TEP1: variants seen among roughly 807,000 people sequenced by gnomAD.
TEP1 encodes telomerase associated protein 1.
TEP1 carries 241 observed loss-of-function variants against 306.3 expected under a neutral mutation model. That is an observed-to-expected ratio of 0.79 (90% CI 0.71 to 0.88). The LOEUF (loss-of-function observed/expected upper bound fraction) is 0.88, where lower values mean the gene tolerates loss of function less well. TEP1 is among the 40% of genes least tolerant of loss of function. TEP1 has a pLI of 0.00. For missense variants in TEP1, 3,051 were observed against 3,276.1 expected, an observed-to-expected ratio of 0.93 and a Z score of 1.68; for synonymous variants, 1,289 against 1,305.5, an observed-to-expected ratio of 0.99 and a Z score of 0.27.
intron 49 of TEP1, 33 bp downstream of exon 49, chr14:20,372,700 T>C (rs766092422): frequency 6.2e-7 from 1 of 1,613,824 alleles, no homozygotes; most frequent in Non-Finnish European, 8.5e-7. Flanking sequence ...GAGACTGCTG[T>C]TTCTATCCCA....
chr14:20,384,339 A>G, intron 23 of TEP1, 52 bp downstream of exon 23: 1 of 1,612,366 alleles, frequency 6.2e-7, no homozygotes. Context: ...AGGACAACCC[A>G]GACCACCCCA....
In TEP1 at chr14:20,369,339, C is replaced by G; in HGVS notation, c.7656+5G>C. On this transcript the variant is annotated splice_donor_5th_base_variant and intron_variant, in intron 53 of 54. Coordinates refer to ENST00000262715, the MANE Select transcript of TEP1 (RefSeq NM_007110.5). ...TAGTATTTCTGACCCTTCCTTCAAACTCACCTTTCTACGCTGCCGTGTCTT... is the reference window on the plus strand; with the variant it reads ...TAGTATTTCTGACCCTTCCTTCAAAGTCACCTTTCTACGCTGCCGTGTCTT... 1 of 1,614,078 alleles carries G rather than the reference C, an allele frequency of 6.2e-7. No homozygotes were observed. The highest frequency in any genetic ancestry group is 8.5e-7 in the Non-Finnish European group (1 of 1,179,980).
intron 22 of TEP1, 24 bp downstream of exon 22, chr14:20,384,576 T>G (rs773501350): frequency 1.2e-6 from 2 of 1,613,658 alleles, no homozygotes; most frequent in Admixed American, 3.3e-5. Context: ...TCTGTACAGG[T>G]GCTCCCTACC....
At position 20,383,818 on chromosome 14, in the gene TEP1, A is replaced by T; in HGVS notation, c.3635T>A (p.Leu1212His). 6.2e-7 allele frequency: 1 copy of T among 1,609,172 alleles called. No individual in the cohort carries two copies. Among genetic ancestry groups the T allele is most frequent in the African/African-American group, 1.3e-5 (1 of 75,028 alleles). ...GGTACAGAGGCGTCTGAGCAGAGTGAGGGCAAGACCCTGGTCAGGACGAGC... is the reference window on the plus strand; with the variant it reads ...GGTACAGAGGCGTCTGAGCAGAGTGTGGGCAAGACCCTGGTCAGGACGAGC... ...SGARPDQGLA[L>H]TLLRRLCTYL... is the part of the protein sequence containing the mutation. Residue 1212 changes from leucine (L) to histidine (H), a missense_variant, in exon 25 of 55, where the codon CTC (leucine) becomes CAC (histidine). Physicochemically the swap from Leu to His is moderately conservative, Grantham distance 99. This residue lies in a region of TEP1 where 1,507 missense variants were observed against 1,550.5 expected (regional missense o/e 0.97). Coordinates refer to ENST00000262715, the MANE Select transcript of TEP1 (RefSeq NM_007110.5).
chr14:20,408,094 A>T lies in TEP1; in HGVS notation c.346T>A (p.Ser116Thr). 1 of 1,613,844 alleles carries T rather than the reference A, an allele frequency of 6.2e-7. No homozygotes were observed. Among genetic ancestry groups the T allele is most frequent in the South Asian group, 1.1e-5 (1 of 91,064 alleles). The change falls in exon 2 of 55, where the codon TCT becomes ACT. Residue 116 changes from serine (S) to threonine (T), a missense_variant. Coordinates refer to ENST00000262715, the MANE Select transcript of TEP1 (RefSeq NM_007110.5). ...GCAGACACAGTGCTCTTTAGACTAG[A>T]GAGGGTGGCCAGGCACCGGTTCTCC... ...SLENRCLATL[S>T]SLKSTVSASP...
Position 20,406,352 on chromosome 14 carries a change from G to C in TEP1, c.616C>G (p.Pro206Ala). The C allele has an allele frequency of 1.9e-6, 3 of 1,614,088 alleles. No individual in the cohort carries two copies. In the South Asian group the frequency reaches 3.3e-5, roughly 18 times the overall value. ...EEKKGAETQM[P>A]SYSLSLGEEE... is the part of the protein sequence containing the mutation. ...TCTCCCAAGCTCAGACTATAAGAAG[G>C]CATTTGGGTCTCTGCCCCTTTCTTC... Residue 206 changes from proline (P) to alanine (A), a missense_variant, in exon 3 of 55, where the codon CCT becomes GCT. Pro to Ala is a conservative substitution (Grantham distance 27). This residue lies in a region of TEP1 where 1,507 missense variants were observed against 1,550.5 expected (regional missense o/e 0.97). Transcript: ENST00000262715.
At chr14:20,409,949 G>A (rs1232649535) in intron 1 of TEP1, among the ~76,000 whole-genome samples, 1 of 142,522 alleles carries the variant, frequency 7.0e-6, no homozygotes, top group Non-Finnish European at 1.5e-5. Flanking sequence ...GTGAACCAGG[G>A]AGGCGGAGCT....
In TEP1 at chr14:20,371,520, T is replaced by G. The variant is rs113796281; in HGVS notation, c.7189A>C (p.Met2397Leu). ...TCAGATGGAGCATCCCCTGGCTTCA[T>G]GCAAAGTAACTTCAAATCTGCTTTG... is the stretch of plus-strand genomic sequence containing the variant. ...LAKADLKLLCMKPGDAPSEIW... is the reference protein window; with the variant it reads ...LAKADLKLLCLKPGDAPSEIW... Residue 2397 changes from methionine to leucine, a missense_variant, in exon 50 of 55, where the codon ATG becomes CTG. Physicochemically the swap from Met to Leu is conservative, Grantham distance 15. Around this residue, in one of 3 missense-constraint regions of TEP1, gnomAD observed 1,540 missense variants for 1,705.9 expected, o/e 0.90. Transcript: ENST00000262715. The G allele has an allele frequency of 1.9e-6, 3 of 1,609,178 alleles. No homozygotes were observed. The highest frequency in any genetic ancestry group is 2.7e-5 in the African/African-American group (2 of 74,588).
intron 43 of TEP1, 49 bp from the exon 44 acceptor site, chr14:20,374,585 AT>A: frequency 7.1e-7 from 1 of 1,406,152 alleles, no homozygotes. Flanking sequence ...TCCCTCCAGC[AT>A]TTTGGTATAT....
chr14:20,373,526 C>T lies in TEP1; in HGVS notation c.6662G>A (p.Arg2221Gln), dbSNP rs146330073. Residue 2221 changes from arginine (R) to glutamine (Q), a missense_variant, in exon 46 of 55, where the codon CGG becomes CAG. Transcript: ENST00000262715. Reference protein sequence around the residue: ...VVTVGLDGATRLWHPLLVCQT... With the variant: ...VVTVGLDGATQLWHPLLVCQT... ...ACTCACCAAGAGTGGATGCCATAAC[C>T]GTGTGGCCCCATCTAGCCCGACGGT... 6.4e-5 allele frequency: 104 copies of T among 1,614,116 alleles called. No homozygotes were observed. The highest frequency in any genetic ancestry group is 8.1e-5 in the Non-Finnish European group (96 of 1,180,050).
chr14:20,381,985 G>C lies in TEP1; in HGVS notation c.4352C>G (p.Ala1451Gly), dbSNP rs1346002187. The C allele has an allele frequency of 2.5e-6, 4 of 1,614,038 alleles. No homozygotes were observed. Among genetic ancestry groups the C allele is most frequent in the Non-Finnish European group, 3.4e-6 (4 of 1,180,028 alleles). ...LPKGTKSWEE[A>G]VAAGNSGDPY... ...GTCTCCACTGTTACCAGCAGCCACTGCTTCTTCCCAGCTCTTAGTCCCCTT... is the reference window on the plus strand; with the variant it reads ...GTCTCCACTGTTACCAGCAGCCACTCCTTCTTCCCAGCTCTTAGTCCCCTT... Residue 1451 changes from alanine (A) to glycine (G), a missense_variant, in exon 30 of 55, where the codon GCA (alanine) becomes GGA (glycine). By Grantham distance (60) the Ala-to-Gly change is moderately conservative. Transcript: ENST00000262715. The surrounding 1 kb of genome is among the most constrained non-coding windows in gnomAD (Gnocchi z 4.0).
At chr14:20,410,967 G>A (rs1879645078) in intron 1 of TEP1, among the ~76,000 whole-genome samples, 1 of 151,802 alleles carries the variant, frequency 6.6e-6, no homozygotes, top group South Asian at 2.1e-4. Flanking sequence ...GATTACAAGT[G>A]CCTGCCACCA....
chr14:20,371,397 T>C, intron 50 of TEP1, 83 bp from the exon 51 acceptor site: 1 of 1,599,692 alleles, frequency 6.3e-7, no homozygotes, highest in Middle Eastern at 1.7e-4. Flanking sequence ...GACTCCAGAG[T>C]TTTCTTCTAA....
chr14:20,376,357 AG>A, intron 41 of TEP1, 93 bp from the exon 42 acceptor site: 1 of 1,343,146 alleles, frequency 7.4e-7, no homozygotes, highest in Non-Finnish European at 1.0e-6. Context: ...ATGGGGGCTG[AG>A]GGTGACACCT....
chr14:20,412,332 A>G (rs1014853610), intron 1 of TEP1, among the ~76,000 whole-genome samples: 4 of 152,192 alleles, frequency 2.6e-5, no homozygotes, highest in African/African-American at 9.7e-5. Context: ...TATTTGAGCA[A>G]CATAGTGAGA....
At chr14:20,393,770 G>A (rs1216206232) in intron 12 of TEP1, among the ~76,000 whole-genome samples, 1 of 150,506 alleles carries the variant, frequency 6.6e-6, no homozygotes, top group East Asian at 2.0e-4. Flanking sequence ...TGACGAAGTG[G>A]GACTTTGTCT....
At chr14:20,400,358 G>A (rs1878574061) in intron 9 of TEP1, among the ~76,000 whole-genome samples, 1 of 151,508 alleles carries the variant, frequency 6.6e-6, no homozygotes, top group Admixed American at 6.6e-5. Context: ...GGCCAAGGTA[G>A]GAGAAATGCT....
intron 49 of TEP1, among the ~76,000 whole-genome samples, chr14:20,372,374 G>A (rs1249277313): frequency 1.2e-5 from 1 of 85,656 alleles, no homozygotes; most frequent in African/African-American, 3.9e-5. Context: ...GTGTGTGTGT[G>A]TGTGTATGTG....
In TEP1 at chr14:20,408,198, C is replaced by G; in HGVS notation, c.242G>C (p.Cys81Ser). 6.2e-7 allele frequency: 1 copy of G among 1,613,264 alleles called. No individual in the cohort carries two copies. Among genetic ancestry groups the G allele is most frequent in the Non-Finnish European group, 8.5e-7 (1 of 1,179,498 alleles). The change falls in exon 2 of 55, where the codon TGC (cysteine) becomes TCC (serine). Residue 81 changes from cysteine (C) to serine (S), a missense_variant. By Grantham distance (112) the Cys-to-Ser change is moderately radical. Coordinates refer to ENST00000262715, the MANE Select transcript of TEP1 (RefSeq NM_007110.5). ...CTTCAGGTCAGAAAGTGTGGCCAGG[C>G]ACTGGTTCTCCAAGGAGAGGATGTC... is the stretch of plus-strand genomic sequence containing the variant. ...HPDILSLENQ[C>S]LATLSDLKTM...
Sources: gnomAD v4.1 joint callset for allele counts (sites outside exome capture counted in the v4.1 genomes callset) on GRCh38, gnomAD v4.1.1 for gene constraint, gnomAD v4.1.1 regional missense constraint, Gnocchi (gnomAD v3.1) non-coding constraint, MANE v1.5 for transcripts, NCBI Gene and HGNC (gene_info 2026-07-23, HGNC 2026-07-21) for gene names.